The following ANKRD44 variants were observed in gnomAD, a reference collection of about 807,000 sequenced individuals.
ANKRD44 encodes serine/threonine-protein phosphatase 6 regulatory ankyrin repeat subunit B.
In ANKRD44, 35 loss-of-function variants were observed where a neutral mutation model predicts 116.0. That is an observed-to-expected ratio of 0.30 (90% CI 0.23 to 0.40). The LOEUF (loss-of-function observed/expected upper bound fraction) is 0.40. Among genes scored for constraint, ANKRD44 ranks in the 10% least tolerant of loss-of-function variants. The probability of loss-of-function intolerance (pLI) is 1.00; values close to 1 mark genes in which losing one functional copy is unlikely to be tolerated. For synonymous variants in ANKRD44, 435 were observed against 461.8 expected, an observed-to-expected ratio of 0.94 and a Z score of 0.74; for missense variants, 1,014 against 1,242.6, an observed-to-expected ratio of 0.82 and a Z score of 2.77.
At chr2:197,090,577 G>C (rs1168553870) in intron 10 of ANKRD44, among the ~76,000 whole-genome samples, 1 of 151,404 alleles carries the variant, frequency 6.6e-6, no homozygotes, top group Non-Finnish European at 1.5e-5. Context: ...AGAGGCAGGG[G>C]GCAGAGAAAT....
intron 9 of ANKRD44, among the ~76,000 whole-genome samples, chr2:197,109,216 T>C (rs1174310868): frequency 1.3e-5 from 2 of 152,232 alleles, no homozygotes; most frequent in African/African-American, 4.8e-5. Flanking sequence ...ACATTATTTC[T>C]GAAAAACAGT....
intron 4 of ANKRD44, among the ~76,000 whole-genome samples, chr2:197,128,946 T>TA (rs1248070409): frequency 6.6e-6 from 1 of 152,058 alleles, no homozygotes; most frequent in Non-Finnish European, 1.5e-5. Context: ...TAAAATGAAA[T>TA]AAAAATGAGA....
intron 10 of ANKRD44, among the ~76,000 whole-genome samples, chr2:197,095,504 T>C (rs2078140425): frequency 6.6e-6 from 1 of 152,196 alleles, no homozygotes; most frequent in Non-Finnish European, 1.5e-5. Context: ...GCAGTGTATA[T>C]TGAACTCTAA....
chr2:197,118,785 T>A (rs375395952), intron 8 of ANKRD44, among the ~76,000 whole-genome samples: 3 of 152,226 alleles, frequency 2.0e-5, no homozygotes, highest in Non-Finnish European at 4.4e-5. Flanking sequence ...CACATAACCA[T>A]AACATTTTAG....
chr2:196,998,261 G>T, intron 25 of ANKRD44, 76 bp downstream of exon 25: 2 of 1,118,998 alleles, frequency 1.8e-6, no homozygotes, highest in Non-Finnish European at 2.7e-6. Context: ...ACACAGTTCC[G>T]AGGTAGAATT....
intron 1 of ANKRD44, among the ~76,000 whole-genome samples, chr2:197,231,428 C>CT (rs201819694): frequency 6.6e-6 from 1 of 151,166 alleles, no homozygotes; most frequent in African/African-American, 2.4e-5. Context: ...GTCCTTAACT[C>CT]TTTAAAAAAA....
intron 2 of ANKRD44, among the ~76,000 whole-genome samples, chr2:197,151,663 T>C (rs1359786535): frequency 1.3e-5 from 2 of 152,238 alleles, no homozygotes; most frequent in Non-Finnish European, 2.9e-5. Flanking sequence ...TAGATATTTA[T>C]TTAGAATCTA....
At chr2:197,011,349 A>C (rs2076296532) in intron 18 of ANKRD44, among the ~76,000 whole-genome samples, 1 of 152,256 alleles carries the variant, frequency 6.6e-6, no homozygotes. Context: ...GAAAAAAATT[A>C]TCTAACTTCA....
Position 197,081,686 on chromosome 2 carries a change from T to C in ANKRD44, c.1497A>G (p.Glu499=). The change falls in exon 15 of 28, where the codon GAA becomes GAG. Residue 499 remains glutamate (E), a synonymous_variant. Transcript: ENST00000282272. ...CCTTCAGCTCCCTGGCTCTTTCAAG[T>C]TCTTCTGAATTATCATGGGCATTTC... is the stretch of plus-strand genomic sequence containing the variant. ...ILGNAHDNSE[E]LERARELKEK... is the part of the protein sequence containing the mutation. The C allele has an allele frequency of 3.1e-6, 5 of 1,614,052 alleles. No homozygotes were observed. Among genetic ancestry groups the C allele is most frequent in the Non-Finnish European group, 4.2e-6 (5 of 1,179,906 alleles).
intron 20 of ANKRD44, among the ~76,000 whole-genome samples, chr2:197,007,241 C>T (rs2076217287): frequency 6.6e-6 from 1 of 151,924 alleles, no homozygotes; most frequent in African/African-American, 2.4e-5. Flanking sequence ...AACTATGACA[C>T]TTGAACACAA....
At chr2:197,251,861 A>G (rs928133802) in intron 1 of ANKRD44, among the ~76,000 whole-genome samples, 6 of 152,232 alleles carry the variant, frequency 3.9e-5, no homozygotes, top group African/African-American at 1.4e-4. Flanking sequence ...AATCTTAGCT[A>G]TAAAAATATG....
intron 9 of ANKRD44, among the ~76,000 whole-genome samples, chr2:197,106,144 A>T (rs1378646358): frequency 1.3e-5 from 2 of 152,162 alleles, no homozygotes; most frequent in Non-Finnish European, 2.9e-5. Context: ...TTAAAACTGT[A>T]AAAATATAGA....
chr2:197,288,019 C>CAAAAAAAA (rs10666895), intron 1 of ANKRD44, among the ~76,000 whole-genome samples: 5 of 81,664 alleles, frequency 6.1e-5, no homozygotes, highest in African/African-American at 1.5e-4. Context: ...GACTCAGTCT[C>CAAAAAAAA]AAAAAAAAAA....
At chr2:197,095,227 C>T (rs2078133735) in intron 10 of ANKRD44, among the ~76,000 whole-genome samples, 1 of 152,300 alleles carries the variant, frequency 6.6e-6, no homozygotes, top group Non-Finnish European at 1.5e-5. Flanking sequence ...CCCTTTATCA[C>T]CACATACCTC....
Position 197,255,697 on chromosome 2 carries a change from G to A in ANKRD44, c.27+54881C>T, listed in dbSNP as rs1054921862. On this transcript the variant is annotated intron_variant, in intron 1 of 27. Coordinates refer to ENST00000282272, the MANE Select transcript of ANKRD44 (RefSeq NM_001195144.2). ...TGCCACTGACAGTGTGGTAAGAGGCGGCCCCCTGGGTTTCCCCAGCCAGGC... is the reference window on the plus strand; with the variant it reads ...TGCCACTGACAGTGTGGTAAGAGGCAGCCCCCTGGGTTTCCCCAGCCAGGC... Among the ~76,000 whole-genome samples, 6 of 152,316 alleles carry A rather than the reference G, an allele frequency of 3.9e-5. No individual in the cohort carries two copies. In the East Asian group the frequency reaches 9.7e-4, roughly 25 times the overall value.
chr2:196,972,128 G>T (rs1373968747), intron 21 of ANKRD44, among the ~76,000 whole-genome samples: 1 of 152,154 alleles, frequency 6.6e-6, no homozygotes, highest in African/African-American at 2.4e-5. Flanking sequence ...GACAATGAGG[G>T]TGAGTCATGA....
chr2:197,161,702 A>G (rs1184055429), intron 2 of ANKRD44, among the ~76,000 whole-genome samples: 1 of 152,208 alleles, frequency 6.6e-6, no homozygotes, highest in East Asian at 1.9e-4. Flanking sequence ...TTTAATTTAA[A>G]TGTATCTTGC....
chr2:196,974,584 C>A (rs1012109250), intron 21 of ANKRD44, among the ~76,000 whole-genome samples: 1 of 151,898 alleles, frequency 6.6e-6, no homozygotes, highest in Admixed American at 6.6e-5. Context: ...AATAACCTAA[C>A]AACCTTAAGA....
chr2:197,129,015 T>C (rs2079039552), intron 4 of ANKRD44, among the ~76,000 whole-genome samples: 1 of 152,086 alleles, frequency 6.6e-6, no homozygotes, highest in Non-Finnish European at 1.5e-5. Flanking sequence ...AATTATCAAA[T>C]TGCCCTAAAA....
Sources: gnomAD v4.1 joint callset for allele counts (sites outside exome capture counted in the v4.1 genomes callset) on GRCh38, gnomAD v4.1.1 for gene constraint, MANE v1.5 for transcripts, NCBI Gene and HGNC (gene_info 2026-07-23, HGNC 2026-07-21) for gene names.